The following CCDC39 variants were observed in gnomAD, a reference collection of about 807,000 sequenced individuals.
CCDC39 encodes coiled-coil domain 39 molecular ruler complex subunit.
CCDC39 carries 113 observed loss-of-function variants against 121.0 expected under a neutral mutation model. The ratio of observed to expected loss-of-function variants is 0.93; its 90% CI spans 0.80 to 1.09. The LOEUF (loss-of-function observed/expected upper bound fraction) is 1.09. Ranked by LOEUF, CCDC39 falls within the 50% of genes least tolerant of loss-of-function variation. The pLI is 0.00. For missense variants in CCDC39, 1,063 were observed against 1,074.7 expected (o/e 0.99, Z 0.15); for synonymous variants, 349 against 352.2 (o/e 0.99, Z 0.10).
chr3:180,620,014 A>G (rs778776316), intron 14 of CCDC39, 44 bp from the exon 15 acceptor site: 16 of 1,432,442 alleles, frequency 1.1e-5, no homozygotes, highest in Admixed American at 4.4e-5. Context: ...AGCATTTACT[A>G]TGGGAAGAAA....
intron 14 of CCDC39, among the ~76,000 whole-genome samples, chr3:180,623,791 G>A (rs1323004959): frequency 2.0e-5 from 3 of 150,158 alleles, no homozygotes; most frequent in African/African-American, 7.3e-5. Flanking sequence ...TTGATTGCCG[G>A]TTTTTCACTC....
Position 180,660,606 on chromosome 3 carries a change from G to C in CCDC39, c.480C>G (p.Leu160=), listed in dbSNP as rs373479980. 1 of 1,599,550 alleles carries C rather than the reference G, an allele frequency of 6.3e-7. No homozygotes were observed. Among genetic ancestry groups the C allele is most frequent in the African/African-American group, 1.3e-5 (1 of 74,738 alleles). The stretch of plus-strand genomic sequence containing the variant: ...TATCATCTTGTTGTGCATACTTCTG[G>C]AGAGTGAGAGCATCACTATCTTTAT... ...SAHKDSDALT[L]QKYAQQDDNK... The change falls in exon 4 of 20, where the codon CTC becomes CTG. Residue 160 remains leucine, a synonymous_variant. Transcript: ENST00000476379.
In CCDC39 at chr3:180,660,504, A is replaced by G; in HGVS notation, c.516+66T>C. ...CCTTAAAAATCCTAAGTATAACTTT[A>G]GGTAAATAGGTTGACATACTACAGA... On this transcript the variant is annotated intron_variant, in intron 4 of 19. Coordinates refer to ENST00000476379, the MANE Select transcript of CCDC39 (RefSeq NM_181426.2). 7 of 1,343,056 alleles carry G rather than the reference A, an allele frequency of 5.2e-6. 1 individual carries two copies. In the South Asian group the frequency reaches 1.3e-4, roughly 24 times the overall value. The allele number at this position is 1,343,056 out of a possible 1,614,324, so 83.2% of individuals were successfully genotyped here. A position where few individuals can be genotyped will look rare whatever the true frequency, so the allele number is the denominator to read the frequency against.
rs773889367 is a variant in CCDC39, at chr3:180,679,302, G to GTA, written c.77_78dup (p.Leu27TyrfsTer9). 1 of 1,613,772 alleles carries GTA rather than the reference G, an allele frequency of 6.2e-7. No homozygotes were observed. The highest frequency in any genetic ancestry group is 2.2e-5 in the East Asian group (1 of 44,880). On this transcript the variant is annotated frameshift_variant, in exon 1 of 20. Coordinates refer to ENST00000476379, the MANE Select transcript of CCDC39 (RefSeq NM_181426.2). LOFTEE classifies it high-confidence loss of function. This position sits in a 1 kb window ranked among gnomAD's most constrained non-coding sequence, Gnocchi z 4.0. ...TCAATTGATCTCACCTGATCTTCCA[G>GTA]TAGCTTGTTCTCCTCGTTCGCCACC...
intron 1 of CCDC39, among the ~76,000 whole-genome samples, chr3:180,674,623 A>C (rs1025294355): frequency 6.6e-6 from 1 of 152,138 alleles, no homozygotes. Context: ...GTTTGTCATA[A>C]ATAGCTCTTA....
intron 13 of CCDC39, among the ~76,000 whole-genome samples, chr3:180,641,571 A>C (rs2108418602): frequency 6.6e-6 from 1 of 152,278 alleles, no homozygotes; most frequent in South Asian, 2.1e-4. Flanking sequence ...AATATACAGA[A>C]ATTAACTGCA....
chr3:180,674,647 C>T (rs1443538498), intron 1 of CCDC39, among the ~76,000 whole-genome samples: 3 of 152,070 alleles, frequency 2.0e-5, no homozygotes, highest in Non-Finnish European at 4.4e-5. Flanking sequence ...TTTTGAGATA[C>T]GGCCCATCAA....
intron 14 of CCDC39, among the ~76,000 whole-genome samples, chr3:180,629,520 A>G (rs1412404092): frequency 6.6e-6 from 1 of 152,212 alleles, no homozygotes; most frequent in African/African-American, 2.4e-5. Context: ...GAAAATGCCA[A>G]CACCTTGGTA....
chr3:180,678,671 T>A (rs1712304165), intron 1 of CCDC39, among the ~76,000 whole-genome samples: 1 of 151,594 alleles, frequency 6.6e-6, no homozygotes, highest in Non-Finnish European at 1.5e-5. Flanking sequence ...TTTTTTTTTT[T>A]AACAACTGCT....
intron 2 of CCDC39, among the ~76,000 whole-genome samples, chr3:180,663,609 G>T (rs972911313): frequency 1.3e-5 from 2 of 151,390 alleles, no homozygotes; most frequent in Non-Finnish European, 1.5e-5. Context: ...GGCAGAGGTT[G>T]CAGTGAGCTG....
chr3:180,648,241 G>C lies in CCDC39; in HGVS notation c.1286C>G (p.Ser429Cys), dbSNP rs1718118928. ...VLSEIEGTRS[S>C]LKHLNHQLQK... is the part of the protein sequence containing the mutation. ...TAACTGATGGTTGAGATGTTTCAGAGAGGAACGAGTTCCTTCAATTTCTGA... is the reference window on the plus strand; with the variant it reads ...TAACTGATGGTTGAGATGTTTCAGACAGGAACGAGTTCCTTCAATTTCTGA... The change falls in exon 10 of 20, where the codon TCT (serine) becomes TGT (cysteine). Residue 429 changes from serine to cysteine, a missense_variant. Physicochemically the swap from Ser to Cys is moderately radical, Grantham distance 112. Transcript: ENST00000476379. 6.2e-7 allele frequency: 1 copy of C among 1,613,384 alleles called. No homozygotes were observed. Among genetic ancestry groups the C allele is most frequent in the Admixed American group, 1.7e-5 (1 of 59,990 alleles).
At chr3:180,624,597 C>T (rs1177981846) in intron 14 of CCDC39, among the ~76,000 whole-genome samples, 1 of 151,992 alleles carries the variant, frequency 6.6e-6, no homozygotes, top group African/African-American at 2.4e-5. Context: ...GAGTCCTGTA[C>T]TTTTGTGTGT....
At chr3:180,635,603 T>G (rs773676570) in intron 13 of CCDC39, among the ~76,000 whole-genome samples, 4 of 152,192 alleles carry the variant, frequency 2.6e-5, no homozygotes, top group Non-Finnish European at 5.9e-5. Flanking sequence ...AGGGCACTCC[T>G]TAAAGCTCCA....
At chr3:180,662,456 T>G (rs1296962247) in intron 2 of CCDC39, among the ~76,000 whole-genome samples, 1 of 152,158 alleles carries the variant, frequency 6.6e-6, no homozygotes, top group African/African-American at 2.4e-5. Flanking sequence ...TAGAATATAT[T>G]AGCATATAAT....
intron 13 of CCDC39, among the ~76,000 whole-genome samples, chr3:180,632,974 G>A (rs1717735368): frequency 6.6e-6 from 1 of 152,188 alleles, no homozygotes; most frequent in South Asian, 2.1e-4. Flanking sequence ...GCTAGAGAAA[G>A]AGGTAAAAAC....
intron 14 of CCDC39, 145 bp downstream of exon 14, chr3:180,631,324 G>T: frequency 1.4e-6 from 1 of 717,050 alleles, no homozygotes; most frequent in Non-Finnish European, 2.3e-6. Context: ...TGTAATAGTG[G>T]CCCTAATTAA....
intron 6 of CCDC39, among the ~76,000 whole-genome samples, chr3:180,657,806 C>T (rs921191835): frequency 1.3e-5 from 2 of 152,152 alleles, no homozygotes; most frequent in African/African-American, 4.8e-5. Context: ...ATATTCAGGG[C>T]AACTTGAATC....
intron 14 of CCDC39, among the ~76,000 whole-genome samples, chr3:180,626,181 G>A (rs905149970): frequency 6.6e-6 from 1 of 152,108 alleles, no homozygotes; most frequent in African/African-American, 2.4e-5. Flanking sequence ...GGTGTCAGCT[G>A]TGGTGGTATT....
At chr3:180,642,635 C>T (rs754560523) in intron 12 of CCDC39, among the ~76,000 whole-genome samples, 3 of 151,114 alleles carry the variant, frequency 2.0e-5, no homozygotes, top group Non-Finnish European at 3.0e-5. Flanking sequence ...GAATAGAAAC[C>T]CCAGAAAAAA....
Sources: allele counts gnomAD v4.1 joint callset (sites outside exome capture counted in the v4.1 genomes callset), GRCh38; gene constraint gnomAD v4.1.1; non-coding constraint Gnocchi (gnomAD v3.1); transcripts MANE v1.5; gene names NCBI Gene and HGNC (gene_info 2026-07-23, HGNC 2026-07-21).